CLGN: variants seen among roughly 807,000 people sequenced by gnomAD.
CLGN encodes testis tissue sperm-binding protein Li 79P.
A neutral mutation model predicts 79.1 loss-of-function variants in CLGN; 62 were observed. That is an observed-to-expected ratio of 0.78 (90% CI 0.64 to 0.97). The LOEUF (loss-of-function observed/expected upper bound fraction) is 0.97, where lower values mean the gene tolerates loss of function less well. CLGN is among the 50% of genes least tolerant of loss of function. The pLI, the probability that CLGN is intolerant of heterozygous loss-of-function variation, is 0.00. For synonymous variants in CLGN, 225 were observed against 224.7 expected (o/e 1.00, Z -0.01); for missense variants, 647 against 715.5 (o/e 0.90, Z 1.09).
intron 2 of CLGN, among the ~76,000 whole-genome samples, 154 bp from the exon 3 acceptor site, chr4:140,410,780 G>C (rs1014710082): frequency 6.6e-6 from 1 of 151,890 alleles, no homozygotes; most frequent in East Asian, 1.9e-4. Context: ...TTTGTACCTA[G>C]TAATGATAAG....
At chr4:140,422,783 T>C (rs1195599933) in intron 1 of CLGN, among the ~76,000 whole-genome samples, 2 of 151,972 alleles carry the variant, frequency 1.3e-5, no homozygotes, top group Non-Finnish European at 2.9e-5. Flanking sequence ...GCCCAGCTAA[T>C]GTTCTGTATT....
rs777017750 is a variant in CLGN at position 140,393,854 on chromosome 4, C to A, written c.1337G>T (p.Trp446Leu). The A allele has an allele frequency of 6.2e-7, 1 of 1,613,620 alleles. No individual in the cohort carries two copies. The highest frequency in any genetic ancestry group is 1.3e-5 in the African/African-American group (1 of 74,996). Residue 446 changes from tryptophan (W) to leucine (L), a missense_variant, in exon 11 of 15, where the codon TGG becomes TTG. Transcript: ENST00000325617. ...ADHWAADGWRWKIMIANANKP... is the reference protein window; with the variant it reads ...ADHWAADGWRLKIMIANANKP... ...ATTAGCATTTGCTATCATTATTTTC[C>A]ATCTCCAACCATCTGCAGCCCAGTG...
chr4:140,402,152 A>T (rs1224361744), intron 5 of CLGN, 86 bp from the exon 6 acceptor site: 15 of 665,952 alleles, frequency 2.3e-5, no homozygotes, highest in Non-Finnish European at 9.8e-6. Flanking sequence ...TTCTCAATTC[A>T]TGTAAGTATA....
chr4:140,404,069 T>A (rs1237265790), intron 5 of CLGN, among the ~76,000 whole-genome samples: 2 of 151,922 alleles, frequency 1.3e-5, no homozygotes, highest in African/African-American at 4.8e-5. Context: ...ACTTCCTTTT[T>A]TAATTTTATT....
intron 4 of CLGN, among the ~76,000 whole-genome samples, chr4:140,407,586 C>CAAA (rs33994946): frequency 0.016 from 2,066 of 127,742 alleles, 52 homozygotes; most frequent in African/African-American, 0.057. Context: ...ACAATGGCTG[C>CAAA]AAAAAAAAAA....
chr4:140,411,725 T>C (rs1229927917), intron 2 of CLGN, among the ~76,000 whole-genome samples: 1 of 152,122 alleles, frequency 6.6e-6, no homozygotes, highest in African/African-American at 2.4e-5. Context: ...AGGGTCAAGA[T>C]TCAGCTACCA....
At chr4:140,393,746 A>G (rs991413401) in intron 11 of CLGN, 80 bp downstream of exon 11, 1 of 1,170,180 alleles carries the variant, frequency 8.5e-7, no homozygotes, top group Non-Finnish European at 1.2e-6. Flanking sequence ...CATTTAAAAG[A>G]GCCATCTGAA....
rs527244369 is a variant in CLGN, at chr4:140,404,302, A to C, written c.419+1640T>G. On this transcript the variant is annotated intron_variant, in intron 5 of 14. Transcript: ENST00000325617. Reference sequence around the variant, plus strand: ...TAGAGACAGGGTTTCACCATGTTAGACAGGATGGTCTTGATCTCCTGACCT... The same window carrying C: ...TAGAGACAGGGTTTCACCATGTTAGCCAGGATGGTCTTGATCTCCTGACCT... Among the ~76,000 whole-genome samples, 94 of 152,056 alleles carry C rather than the reference A, an allele frequency of 6.2e-4. 1 individual carries two copies. Among genetic ancestry groups the C allele is most frequent in the African/African-American group, 2.0e-3 (81 of 41,530 alleles).
intron 2 of CLGN, among the ~76,000 whole-genome samples, chr4:140,411,787 A>C (rs1729217260): frequency 6.6e-6 from 1 of 152,086 alleles, no homozygotes; most frequent in Non-Finnish European, 1.5e-5. Context: ...ACTCTTCTCT[A>C]TATTTTTATA....
At chr4:140,401,909 A>T (rs2668583) in intron 6 of CLGN, 76 bp downstream of exon 6, 38,498 of 783,556 alleles carry the variant, frequency 0.049, 1,338 homozygotes, top group African/African-American at 0.11. Context: ...AAGACAAAAT[A>T]TTCAGTTTTA....
intron 1 of CLGN, among the ~76,000 whole-genome samples, chr4:140,419,992 T>C (rs995560637): frequency 6.6e-6 from 1 of 152,192 alleles, no homozygotes; most frequent in Non-Finnish European, 1.5e-5. Context: ...TTTGCTTGAC[T>C]GGCTATTAAT....
intron 11 of CLGN, among the ~76,000 whole-genome samples, chr4:140,393,346 T>C (rs897373969): frequency 6.6e-6 from 1 of 152,126 alleles, no homozygotes; most frequent in Non-Finnish European, 1.5e-5. Flanking sequence ...TTTTCTAAGA[T>C]GCATTGTGTT....
chr4:140,407,071 G>A (rs929375159), intron 4 of CLGN, among the ~76,000 whole-genome samples: 10 of 151,656 alleles, frequency 6.6e-5, no homozygotes, highest in African/African-American at 2.4e-4. Flanking sequence ...ATCAAAGAGG[G>A]GTAATTTTTG....
intron 10 of CLGN, among the ~76,000 whole-genome samples, chr4:140,395,187 G>A (rs1191930412): frequency 2.0e-5 from 3 of 149,724 alleles, no homozygotes; most frequent in East Asian, 2.0e-4. Flanking sequence ...TTGCTGTGTC[G>A]CCAGGCGGGA....
rs1728866617 is a variant in CLGN, at chr4:140,395,985, C to A, written c.999-16G>T. 2 of 1,598,218 alleles carry A rather than the reference C, an allele frequency of 1.3e-6. No individual in the cohort carries two copies. The highest frequency in any genetic ancestry group is 1.7e-5 in the Admixed American group (1 of 57,430). ...GTCTTCATTCCTTAGGATATTAAAA[C>A]AAAGCAAATACAGTAACCTCAAGTC... On this transcript the variant is annotated splice_polypyrimidine_tract_variant and intron_variant, in intron 9 of 14. Transcript: ENST00000325617.
chr4:140,394,134 T>C, intron 10 of CLGN, 93 bp from the exon 11 acceptor site: 3 of 821,144 alleles, frequency 3.7e-6, no homozygotes, highest in Non-Finnish European at 5.7e-6. Context: ...AAATTCGCAA[T>C]GCTAACTGGA....
chr4:140,423,487 T>C lies in CLGN; in HGVS notation c.-10+4050A>G, dbSNP rs554935437. 1.2e-4 allele frequency among the ~76,000 whole-genome samples: 19 copies of C among 152,380 alleles called. No homozygotes were observed. The South Asian group carries it at 3.9e-3, about 32-fold the overall frequency. Reference sequence around the variant, plus strand: ...TCAATAATCATCTGGAATATTGCTCTGTAGTTTTCTTGTAGTGTCTTTGGC... The same window carrying C: ...TCAATAATCATCTGGAATATTGCTCCGTAGTTTTCTTGTAGTGTCTTTGGC... On this transcript the variant is annotated intron_variant, in intron 1 of 14. Transcript: ENST00000325617.
At chr4:140,419,120 G>A (rs911466471) in intron 1 of CLGN, among the ~76,000 whole-genome samples, 12 of 151,806 alleles carry the variant, frequency 7.9e-5, no homozygotes, top group African/African-American at 2.2e-4. Flanking sequence ...ACCAAACACC[G>A]CATATTCTCA....
At chr4:140,418,977 G>C (rs1318277279) in intron 1 of CLGN, among the ~76,000 whole-genome samples, 1 of 152,190 alleles carries the variant, frequency 6.6e-6, no homozygotes, top group Non-Finnish European at 1.5e-5. Flanking sequence ...TGATAGAATG[G>C]ATTAAGAAAA....
Sources: gnomAD v4.1 joint callset for allele counts (sites outside exome capture counted in the v4.1 genomes callset) on GRCh38, gnomAD v4.1.1 for gene constraint, MANE v1.5 for transcripts, NCBI Gene and HGNC (gene_info 2026-07-23, HGNC 2026-07-21) for gene names.